Variants in NR4A3 observed in about 807,000 individuals in gnomAD.
NR4A3 encodes the protein chondrosarcoma, extraskeletal myxoid, fused to EWS.
Under a neutral mutation model 55.6 loss-of-function variants are expected in NR4A3, and 13 were observed. That is an observed-to-expected ratio of 0.23 (90% CI 0.15 to 0.37). The LOEUF is 0.37. Among genes scored for constraint, NR4A3 ranks in the 10% least tolerant of loss-of-function variants. The pLI, the probability that NR4A3 is intolerant of heterozygous loss-of-function variation, is 1.00. For missense variants in NR4A3, 646 were observed against 822.8 expected, an observed-to-expected ratio of 0.79 and a Z score of 2.63; for synonymous variants, 342 against 357.9, an observed-to-expected ratio of 0.96 and a Z score of 0.50.
In NR4A3 at chr9:99,865,861, G is replaced by A. The variant is rs1828088331; in HGVS notation, c.*1994G>A. The stretch of plus-strand genomic sequence containing the variant: ...CAAGATGATAGAACCTGGAATGTTA[G>A]GATTTTGAAATGTTAGACTTGGAAG... On this transcript the variant is annotated 3_prime_UTR_variant, in exon 8 of 8. Coordinates refer to ENST00000395097, the MANE Select transcript of NR4A3 (RefSeq NM_006981.4). The surrounding 1 kb of genome is among the most constrained non-coding windows in gnomAD (Gnocchi z 4.3). 1 of 213,690 alleles carries A rather than the reference G, an allele frequency of 4.7e-6. No homozygotes were observed. Among genetic ancestry groups the A allele is most frequent in the Admixed American group, 5.9e-5 (1 of 17,080 alleles). 13.2% of individuals were successfully genotyped at this position (213,690 alleles called of 1,614,324 possible). A position where few individuals can be genotyped will look rare whatever the true frequency, so the allele number is the denominator to read the frequency against.
Position 99,863,627 on chromosome 9 carries a change from T to C in NR4A3, c.1641T>C (p.His547=). 10 of 1,613,326 alleles carry C rather than the reference T, an allele frequency of 6.2e-6. No homozygotes were observed. The highest frequency in any genetic ancestry group is 8.5e-6 in the Non-Finnish European group (10 of 1,179,768). ...TTCTCTATCCCTCTGCAGAAAGACATGGGTTAAAAGAACCAAAGAGAGTCG... is the reference window on the plus strand; with the variant it reads ...TTCTCTATCCCTCTGCAGAAAGACACGGGTTAAAAGAACCAAAGAGAGTCG... The part of the protein sequence containing the change: ...LSALSMITER[H]GLKEPKRVEE... Residue 547 remains histidine, a synonymous_variant, in exon 8 of 8, where the codon CAT becomes CAC. Transcript: ENST00000395097.
chr9:99,852,018 T>C (rs1827857535), intron 7 of NR4A3, among the ~76,000 whole-genome samples: 1 of 152,166 alleles, frequency 6.6e-6, no homozygotes, highest in South Asian at 2.1e-4. Context: ...TCATAGATTA[T>C]GATATATAAA....
In NR4A3 at chr9:99,825,250, C is replaced by T. The variant is rs1048975650; in HGVS notation, c.-176-409C>T. On this transcript the variant is annotated intron_variant, in intron 1 of 7. Transcript: ENST00000395097. This position sits in a 1 kb window ranked among gnomAD's most constrained non-coding sequence, Gnocchi z 5.0. ...TGGCTTTTTTCCGCTGGTGAACACT[C>T]ACTGACCCCCCGTATTCGGGCGGAG... Among the ~76,000 whole-genome samples the T allele has an allele frequency of 1.3e-5, 2 of 152,128 alleles. No homozygotes were observed. The highest frequency in any genetic ancestry group is 2.9e-5 in the Non-Finnish European group (2 of 68,018).
At position 99,822,769 on chromosome 9, in the gene NR4A3, G is replaced by A. The variant is rs1367614886; in HGVS notation, c.-177+362G>A. On this transcript the variant is annotated intron_variant, in intron 1 of 7. Transcript: ENST00000395097. The surrounding 1 kb of genome is among the most constrained non-coding windows in gnomAD (Gnocchi z 4.9). ...CTCGGCGGCGGCGGCGGCGGCGGCA[G>A]CGGCAGCGGCAGGGAGTTGCAGCTC... Among the ~76,000 whole-genome samples, 1 of 152,164 alleles carries A rather than the reference G, an allele frequency of 6.6e-6. No individual in the cohort carries two copies. Among genetic ancestry groups the A allele is most frequent in the African/African-American group, 2.4e-5 (1 of 41,436 alleles).
At chr9:99,830,614 C>G (rs748661259) in intron 3 of NR4A3, among the ~76,000 whole-genome samples, 2 of 152,194 alleles carry the variant, frequency 1.3e-5, no homozygotes, top group Non-Finnish European at 2.9e-5. Flanking sequence ...GTTTTAAATG[C>G]AGAATCTTGG....
rs1828090913 is a variant in NR4A3 at position 99,865,975 on chromosome 9, A to T, written c.*2108A>T. The stretch of plus-strand genomic sequence containing the variant: ...GAAGGGTGAAGAGTTACTCAAGGTC[A>T]AACAGCTGGTAACAGAATCAAGACT... On this transcript the variant is annotated 3_prime_UTR_variant, in exon 8 of 8. Transcript: ENST00000395097. The surrounding 1 kb of genome is among the most constrained non-coding windows in gnomAD (Gnocchi z 4.3). The T allele has an allele frequency of 4.5e-6, 1 of 219,996 alleles. No individual in the cohort carries two copies. Among genetic ancestry groups the T allele is most frequent in the South Asian group, 1.8e-4 (1 of 5,412 alleles). The allele number at this position is 219,996 out of a possible 1,614,324, so 13.6% of individuals were successfully genotyped here.
intron 5 of NR4A3, among the ~76,000 whole-genome samples, chr9:99,840,862 T>C (rs375460510): frequency 1.4e-3 from 220 of 152,314 alleles, no homozygotes; most frequent in African/African-American, 4.6e-3. Flanking sequence ...TGTGGAATTA[T>C]TAAATAAATT....
chr9:99,826,468 A>G (rs1827296806), intron 2 of NR4A3, among the ~76,000 whole-genome samples: 1 of 152,238 alleles, frequency 6.6e-6, no homozygotes, highest in Admixed American at 6.5e-5. Context: ...AAAGACACAA[A>G]TAAGAGCAGT....
At chr9:99,859,971 G>A (rs935563664) in intron 7 of NR4A3, among the ~76,000 whole-genome samples, 5 of 152,164 alleles carry the variant, frequency 3.3e-5, no homozygotes, top group Admixed American at 2.6e-4. Context: ...GGTGATGTTT[G>A]ATCATGTTAT....
At chr9:99,855,233 G>C (rs1387020282) in intron 7 of NR4A3, among the ~76,000 whole-genome samples, 1 of 152,102 alleles carries the variant, frequency 6.6e-6, no homozygotes. Flanking sequence ...TTCTTTACCA[G>C]CTAGACTGTG....
intron 5 of NR4A3, among the ~76,000 whole-genome samples, chr9:99,836,761 T>C (rs1466709182): frequency 6.6e-6 from 1 of 152,222 alleles, no homozygotes; most frequent in Non-Finnish European, 1.5e-5. Context: ...GTAGTTTTAG[T>C]TTTAGCTTTT....
At chr9:99,832,372 C>A (rs1057470135) in intron 3 of NR4A3, among the ~76,000 whole-genome samples, 1 of 151,840 alleles carries the variant, frequency 6.6e-6, no homozygotes, top group African/African-American at 2.4e-5. Flanking sequence ...AAATTGTTCC[C>A]AAAGGGATAT....
At chr9:99,831,705 G>C (rs1283293092) in intron 3 of NR4A3, among the ~76,000 whole-genome samples, 1 of 152,108 alleles carries the variant, frequency 6.6e-6, no homozygotes, top group Non-Finnish European at 1.5e-5. Context: ...GGTAATTTCT[G>C]AACAGTTTCA....
chr9:99,833,769 G>A (rs1006105186), intron 5 of NR4A3: 75 of 1,378,004 alleles, frequency 5.4e-5, no homozygotes, highest in African/African-American at 2.9e-4. Context: ...GATTTATCTC[G>A]TGATCTAGAC....
chr9:99,836,839 T>C (rs10988905), intron 5 of NR4A3, among the ~76,000 whole-genome samples: 55,425 of 152,068 alleles, frequency 0.36, 10,464 homozygotes, highest in African/African-American at 0.43. Flanking sequence ...AGTATATGAG[T>C]GCTCCCCTTT....
Position 99,828,143 on chromosome 9 carries a change from A to G in NR4A3, c.101A>G (p.Asp34Gly). 6.2e-7 allele frequency: 1 copy of G among 1,613,874 alleles called. No homozygotes were observed. The highest frequency in any genetic ancestry group is 8.5e-7 in the Non-Finnish European group (1 of 1,179,968). Residue 34 changes from aspartate (D) to glycine (G), a missense_variant, in exon 3 of 8, where the codon GAC (aspartate) becomes GGC (glycine). By Grantham distance (94) the Asp-to-Gly change is moderately conservative. Coordinates refer to ENST00000395097, the MANE Select transcript of NR4A3 (RefSeq NM_006981.4). This position sits in a 1 kb window ranked among gnomAD's most constrained non-coding sequence, Gnocchi z 7.7. Reference sequence around the variant, plus strand: ...TACACCACGGAGATCATGAACCCCGACTACACCAAGCTGACCATGGACCTT... The same window carrying G: ...TACACCACGGAGATCATGAACCCCGGCTACACCAAGCTGACCATGGACCTT... ...SEYTTEIMNP[D>G]YTKLTMDLGS...
At chr9:99,838,516 T>C (rs1181340815) in intron 5 of NR4A3, among the ~76,000 whole-genome samples, 1 of 152,270 alleles carries the variant, frequency 6.6e-6, no homozygotes, top group African/African-American at 2.4e-5. Context: ...TTCACGCCAG[T>C]TCCTGCCCCT....
At chr9:99,825,000 T>A (rs1827267199) in intron 1 of NR4A3, among the ~76,000 whole-genome samples, 2 of 152,334 alleles carry the variant, frequency 1.3e-5, no homozygotes, top group South Asian at 4.1e-4. Context: ...TTCGTCCCCT[T>A]GCTTCCAGCG....
At chr9:99,823,844 T>C (rs1384292518) in intron 1 of NR4A3, among the ~76,000 whole-genome samples, 2 of 151,548 alleles carry the variant, frequency 1.3e-5, no homozygotes, top group Non-Finnish European at 2.9e-5. Flanking sequence ...ATCTCAGTCT[T>C]TCCCTTTCTG....
Sources: allele counts gnomAD v4.1 joint callset (sites outside exome capture counted in the v4.1 genomes callset), GRCh38; gene constraint gnomAD v4.1.1; non-coding constraint Gnocchi (gnomAD v3.1); transcripts MANE v1.5; gene names NCBI Gene and HGNC (gene_info 2026-07-23, HGNC 2026-07-21).